The following RYR2 variants were observed in gnomAD, a reference collection of about 807,000 sequenced individuals.
RYR2 encodes the protein ryanodine receptor 2, also known as cardiac muscle ryanodine receptor-calcium release channel.
In RYR2, 227 loss-of-function variants were observed where a neutral mutation model predicts 601.1. The ratio of observed to expected loss-of-function variants is 0.38; its 90% confidence interval spans 0.34 to 0.42. The LOEUF is 0.42. Ranked by LOEUF, RYR2 falls within the 10% of genes least tolerant of loss-of-function variation. RYR2 has a pLI of 1.00. For synonymous variants in RYR2, 2,223 were observed against 2,175.1 expected, an observed-to-expected ratio of 1.02 and a Z score of -0.61; for missense variants, 4,646 against 6,156.5, an observed-to-expected ratio of 0.75 and a Z score of 8.21.
At chr1:237,478,905 G>A (rs1661716125) in intron 17 of RYR2, among the ~76,000 whole-genome samples, 1 of 152,162 alleles carries the variant, frequency 6.6e-6, no homozygotes, top group Non-Finnish European at 1.5e-5. Flanking sequence ...AGTGTGCACT[G>A]TATGTTATTT....
Position 237,832,727 on chromosome 1 carries a change from A to G in RYR2, c.*80A>G. On this transcript the variant is annotated 3_prime_UTR_variant, in exon 105 of 105. Coordinates refer to ENST00000366574, the MANE Select transcript of RYR2 (RefSeq NM_001035.3). ...TCAATTTCTCTGCTCTCTTGGAAACATTTTGCTGATTTTGTGAATTGCCAG... is the reference window on the plus strand; with the variant it reads ...TCAATTTCTCTGCTCTCTTGGAAACGTTTTGCTGATTTTGTGAATTGCCAG... The G allele has an allele frequency of 1.3e-6, 1 of 756,954 alleles. No homozygotes were observed. 46.9% of individuals were successfully genotyped at this position (756,954 alleles called of 1,614,324 possible).
At chr1:237,320,467 A>G (rs1695519406) in intron 2 of RYR2, among the ~76,000 whole-genome samples, 1 of 152,126 alleles carries the variant, frequency 6.6e-6, no homozygotes, top group Non-Finnish European at 1.5e-5. Flanking sequence ...TTTGTGTTCC[A>G]TTAGCTTCAA....
At chr1:237,133,924 C>CAAAAAAAAA (rs10639948) in intron 1 of RYR2, among the ~76,000 whole-genome samples, 2 of 100,426 alleles carry the variant, frequency 2.0e-5, no homozygotes, top group African/African-American at 7.8e-5. Context: ...GACTCCGTCT[C>CAAAAAAAAA]AAAAAAAAAA....
intron 40 of RYR2, among the ~76,000 whole-genome samples, chr1:237,626,230 C>G (rs1310686468): frequency 3.3e-5 from 5 of 152,072 alleles, no homozygotes; most frequent in Admixed American, 6.5e-5. Flanking sequence ...CTGTTGTATA[C>G]TTCTGGTTGA....
intron 92 of RYR2, among the ~76,000 whole-genome samples, chr1:237,791,188 C>T (rs1658341696): frequency 6.6e-6 from 1 of 152,188 alleles, no homozygotes; most frequent in Non-Finnish European, 1.5e-5. Flanking sequence ...TTCTTCTTAG[C>T]ATTTAACATT....
chr1:237,050,974 G>T (rs991698057), intron 1 of RYR2, among the ~76,000 whole-genome samples: 1 of 152,072 alleles, frequency 6.6e-6, no homozygotes, highest in East Asian at 1.9e-4. Flanking sequence ...TCACACACAC[G>T]CACACATGTG....
chr1:237,063,583 T>TAC (rs566333200), intron 1 of RYR2, among the ~76,000 whole-genome samples: 98 of 151,236 alleles, frequency 6.5e-4, no homozygotes, highest in South Asian at 5.2e-3. Flanking sequence ...ATTTTAATTC[T>TAC]ACACACACAC....
chr1:237,771,954 G>A (rs1447544289), intron 85 of RYR2, 58 bp from the exon 86 acceptor site: 6 of 996,042 alleles, frequency 6.0e-6, no homozygotes, highest in Non-Finnish European at 9.3e-6. Flanking sequence ...GGAGTTCTTA[G>A]AATGACTCAA....
intron 3 of RYR2, among the ~76,000 whole-genome samples, chr1:237,353,551 T>C (rs970434853): frequency 1.3e-5 from 2 of 151,434 alleles, no homozygotes; most frequent in African/African-American, 4.8e-5. Context: ...AATAGAGATG[T>C]CATTTGAATT....
chr1:237,222,686 T>C (rs1308624057), intron 1 of RYR2, among the ~76,000 whole-genome samples: 1 of 152,206 alleles, frequency 6.6e-6, no homozygotes, highest in Non-Finnish European at 1.5e-5. Flanking sequence ...GGATTTTAGA[T>C]TGGGGGAAAT....
chr1:237,455,666 G>A (rs1409622876), intron 15 of RYR2, among the ~76,000 whole-genome samples: 2 of 152,172 alleles, frequency 1.3e-5, no homozygotes, highest in Non-Finnish European at 2.9e-5. Flanking sequence ...TTAAAGCTGT[G>A]TTCTAATATC....
chr1:237,384,794 G>C (rs1414672815), intron 8 of RYR2, among the ~76,000 whole-genome samples: 1 of 152,130 alleles, frequency 6.6e-6, no homozygotes, highest in Non-Finnish European at 1.5e-5. Context: ...GTTGTCTGCA[G>C]TGTTCTCTCC....
At chr1:237,042,767 G>T (rs1277503946) in intron 1 of RYR2, among the ~76,000 whole-genome samples, 198 bp downstream of exon 1, 4 of 152,170 alleles carry the variant, frequency 2.6e-5, no homozygotes, top group African/African-American at 9.6e-5. Flanking sequence ...AAGGGCGCGT[G>T]TCTGTGCGCG....
intron 2 of RYR2, among the ~76,000 whole-genome samples, chr1:237,299,594 T>C (rs1404657735): frequency 6.6e-6 from 1 of 152,168 alleles, no homozygotes; most frequent in Non-Finnish European, 1.5e-5. Flanking sequence ...TAGTTCAAAG[T>C]TACAAAATAG....
At chr1:237,711,430 T>A (rs1038496791) in intron 70 of RYR2, among the ~76,000 whole-genome samples, 1 of 152,300 alleles carries the variant, frequency 6.6e-6, no homozygotes, top group East Asian at 1.9e-4. Flanking sequence ...GGAATCAGTA[T>A]ATGCCTTTCA....
chr1:237,441,348 A>T lies in RYR2; in HGVS notation c.1035A>T (p.Glu345Asp). The T allele has an allele frequency of 6.2e-7, 1 of 1,613,796 alleles. No individual in the cohort carries two copies. Among genetic ancestry groups the T allele is most frequent in the Non-Finnish European group, 8.5e-7 (1 of 1,179,742 alleles). ...KEKLDVGVRKEVDGMGTSEIK... is the reference protein window; with the variant it reads ...KEKLDVGVRKDVDGMGTSEIK... Reference sequence around the variant, plus strand: ...AATTGGATGTAGGGGTGAGAAAAGAAGTAGATGGCATGGGAACATCTGAAA... The same window carrying T: ...AATTGGATGTAGGGGTGAGAAAAGATGTAGATGGCATGGGAACATCTGAAA... Residue 345 changes from glutamate to aspartate, a missense_variant, in exon 13 of 105, where the codon GAA (glutamate) becomes GAT (aspartate). Transcript: ENST00000366574.
At position 237,572,500 on chromosome 1, in the gene RYR2, C is replaced by T. The variant is rs79200839; in HGVS notation, c.3598+3181C>T. On this transcript the variant is annotated intron_variant, in intron 29 of 104. Coordinates refer to ENST00000366574, the MANE Select transcript of RYR2 (RefSeq NM_001035.3). ...TGAGATAGACTCTGAAGTGTGTCACCGTGGCACATGGTTTTGAACAATTTT... is the reference window on the plus strand; with the variant it reads ...TGAGATAGACTCTGAAGTGTGTCACTGTGGCACATGGTTTTGAACAATTTT... Among the ~76,000 whole-genome samples, 462 of 152,172 alleles carry T rather than the reference C, an allele frequency of 3.0e-3. 2 individuals carry two copies. Among genetic ancestry groups the T allele is most frequent in the African/African-American group, 0.011 (438 of 41,514 alleles).
intron 1 of RYR2, among the ~76,000 whole-genome samples, chr1:237,119,052 T>C (rs1286496739): frequency 6.6e-6 from 1 of 152,216 alleles, no homozygotes; most frequent in Admixed American, 6.5e-5. Flanking sequence ...GTTGAAGCCC[T>C]AACCCCCTAG....
chr1:237,795,313 C>T lies in RYR2; in HGVS notation c.13938C>T (p.Asp4646=). 1 of 1,428,138 alleles carries T rather than the reference C, an allele frequency of 7.0e-7. No individual in the cohort carries two copies. The highest frequency in any genetic ancestry group is 2.4e-5 in the East Asian group (1 of 41,242). The allele number at this position is 1,428,138 out of a possible 1,614,324, so 88.5% of individuals were successfully genotyped here. The change falls in exon 96 of 105, where the codon GAC becomes GAT. Residue 4646 remains aspartate (D), a synonymous_variant. Transcript: ENST00000366574. ...NTQSFPNNYW[D]KFVKRKVMDK... ...GGTCATTTCCCAACAACTACTGGGA[C>T]AAATTTGTTAAAAGAAAGGTAATAT...
Sources: allele counts gnomAD v4.1 joint callset (sites outside exome capture counted in the v4.1 genomes callset), GRCh38; gene constraint gnomAD v4.1.1; transcripts MANE v1.5; gene names NCBI Gene and HGNC (gene_info 2026-07-23, HGNC 2026-07-21).